Variants in RPS6KC1 observed in about 807,000 individuals in gnomAD.
RPS6KC1 encodes the protein ribosomal protein S6 kinase C1, also known as inactive ribosomal protein S6 kinase delta-1.
RPS6KC1 carries 54 observed loss-of-function variants against 103.8 expected under a neutral mutation model. That is an observed-to-expected ratio of 0.52 (90% CI 0.42 to 0.65). The LOEUF is 0.65. Among genes scored for constraint, RPS6KC1 ranks in the 30% least tolerant of loss-of-function variants. The pLI is 0.00. For missense variants in RPS6KC1, 1,151 were observed against 1,253.8 expected (o/e 0.92, Z 1.24); for synonymous variants, 439 against 438.7 (o/e 1.00, Z -0.01).
the RPS6KC1 span, among the ~76,000 whole-genome samples, chr1:213,706,206 T>C: frequency 6.6e-6 from 1 of 152,292 alleles, no homozygotes; most frequent in South Asian, 2.1e-4. Flanking sequence ...CAAGTTTTTA[T>C]AGGGCCCCAC....
At position 213,169,026 on chromosome 1, in the gene RPS6KC1, T is replaced by C. The variant is rs1277583743; in HGVS notation, c.951+1053T>C. On this transcript the variant is annotated intron_variant, in intron 7 of 14. Transcript: ENST00000366960. ...CTATATCTGAATAATGAGAATATAGTAATTTTTTGCTGGGTAGTTACTAGG... is the reference window on the plus strand; with the variant it reads ...CTATATCTGAATAATGAGAATATAGCAATTTTTTGCTGGGTAGTTACTAGG... 2.6e-5 allele frequency among the ~76,000 whole-genome samples: 4 copies of C among 152,098 alleles called. No individual in the cohort carries two copies. In the South Asian group the frequency reaches 8.3e-4, roughly 32 times the overall value.
At chr1:213,170,908 G>A (rs565462439) in intron 7 of RPS6KC1, among the ~76,000 whole-genome samples, 2 of 152,060 alleles carry the variant, frequency 1.3e-5, no homozygotes, top group Non-Finnish European at 2.9e-5. Flanking sequence ...GATTTCTAAG[G>A]CCCCTTTAGC....
At chr1:213,250,183 C>T (rs759215960) in intron 12 of RPS6KC1, among the ~76,000 whole-genome samples, 2 of 152,158 alleles carry the variant, frequency 1.3e-5, no homozygotes, top group Admixed American at 1.3e-4. Flanking sequence ...GCCGAAAAAG[C>T]GAATGCGTAT....
chr1:213,406,823 CTGAG>C, the RPS6KC1 span, among the ~76,000 whole-genome samples: 1 of 152,186 alleles, frequency 6.6e-6, no homozygotes, highest in Admixed American at 6.5e-5. Context: ...TTGCATTGGG[CTGAG>C]TATCGTGCCA....
intron 7 of RPS6KC1, among the ~76,000 whole-genome samples, chr1:213,168,445 A>G (rs765016924): frequency 6.6e-6 from 1 of 152,228 alleles, no homozygotes; most frequent in Non-Finnish European, 1.5e-5. Context: ...AGACTTGTCT[A>G]AAACGCAGAT....
intron 3 of RPS6KC1, among the ~76,000 whole-genome samples, chr1:213,084,806 A>G (rs1192336488): frequency 6.6e-6 from 1 of 152,102 alleles, no homozygotes; most frequent in Non-Finnish European, 1.5e-5. Flanking sequence ...AACGATTCTC[A>G]TTTTAGGTTC....
At chr1:213,288,614 C>T in the RPS6KC1 span, among the ~76,000 whole-genome samples, 5 of 152,178 alleles carry the variant, frequency 3.3e-5, no homozygotes, top group African/African-American at 9.7e-5. Flanking sequence ...AAGTAAACTT[C>T]GATTTGGCTT....
chr1:213,187,711 G>A (rs1355052856), intron 8 of RPS6KC1, among the ~76,000 whole-genome samples: 2 of 151,684 alleles, frequency 1.3e-5, no homozygotes, highest in East Asian at 3.9e-4. Context: ...TTGTCCTTTT[G>A]GGGAGGTCAT....
At chr1:213,262,572 C>A in intron 13 of RPS6KC1, 149 bp from the exon 14 acceptor site, 1 of 621,154 alleles carries the variant, frequency 1.6e-6, no homozygotes, top group Admixed American at 2.7e-5. Context: ...CAGCCCTCAT[C>A]CTAAACTGCT....
chr1:213,216,481 G>T (rs7528828), intron 8 of RPS6KC1, among the ~76,000 whole-genome samples: 2 of 152,104 alleles, frequency 1.3e-5, no homozygotes, highest in African/African-American at 4.8e-5. Flanking sequence ...AAGTTAACAA[G>T]GATACCCAGG....
chr1:213,368,410 C>T, the RPS6KC1 span, among the ~76,000 whole-genome samples: 6 of 152,112 alleles, frequency 3.9e-5, no homozygotes, highest in African/African-American at 9.7e-5. Context: ...GTGAGTTCCG[C>T]GCCTGCTATA....
chr1:213,300,401 A>G, the RPS6KC1 span, among the ~76,000 whole-genome samples: 1 of 152,178 alleles, frequency 6.6e-6, no homozygotes, highest in South Asian at 2.1e-4. Context: ...TTTTAATGGG[A>G]GAAGGGACAA....
the RPS6KC1 span, among the ~76,000 whole-genome samples, chr1:213,599,331 A>G: frequency 6.6e-6 from 1 of 151,686 alleles, no homozygotes; most frequent in Non-Finnish European, 1.5e-5. Flanking sequence ...CAGCTTCACA[A>G]TTTCCTGCAG....
chr1:213,346,787 T>G, the RPS6KC1 span, among the ~76,000 whole-genome samples: 1 of 152,198 alleles, frequency 6.6e-6, no homozygotes, highest in Non-Finnish European at 1.5e-5. Flanking sequence ...TTATGCTTCT[T>G]TCTTATGAAA....
chr1:213,182,796 A>G (rs1170695496), intron 8 of RPS6KC1, among the ~76,000 whole-genome samples: 1 of 148,386 alleles, frequency 6.7e-6, no homozygotes, highest in Non-Finnish European at 1.5e-5. Context: ...TGATATATAT[A>G]TTTTATATAT....
chr1:213,325,703 G>T, the RPS6KC1 span, among the ~76,000 whole-genome samples: 1 of 152,190 alleles, frequency 6.6e-6, no homozygotes, highest in Non-Finnish European at 1.5e-5. Context: ...GGGAAAGCAG[G>T]TCCCCTCCCT....
chr1:213,473,376 C>T, the RPS6KC1 span, among the ~76,000 whole-genome samples: 1 of 152,152 alleles, frequency 6.6e-6, no homozygotes, highest in Non-Finnish European at 1.5e-5. Flanking sequence ...TAAAACTGAC[C>T]CCAATAAACC....
chr1:213,427,449 G>A, the RPS6KC1 span, among the ~76,000 whole-genome samples: 1 of 152,234 alleles, frequency 6.6e-6, no homozygotes, highest in East Asian at 1.9e-4. Flanking sequence ...GAACCTCAAA[G>A]GCCAAATTTT....
chr1:213,060,895 A>G (rs2077772587), intron 1 of RPS6KC1, among the ~76,000 whole-genome samples: 2 of 152,288 alleles, frequency 1.3e-5, no homozygotes, highest in South Asian at 4.1e-4. Flanking sequence ...GATTTTTATA[A>G]CAAGATATTA....
Sources: allele counts gnomAD v4.1 joint callset (sites outside exome capture counted in the v4.1 genomes callset), GRCh38; gene constraint gnomAD v4.1.1; transcripts MANE v1.5; gene names NCBI Gene and HGNC (gene_info 2026-07-23, HGNC 2026-07-21).